ADARB2: variants seen among roughly 807,000 people sequenced by gnomAD.
ADARB2 encodes the protein inactive double-stranded RNA-specific editase B2.
In ADARB2, 25 loss-of-function variants were observed where a neutral mutation model predicts 62.2. The observed-to-expected ratio is 0.40, with a 90% confidence interval of 0.29 to 0.56. The LOEUF is 0.56. ADARB2 is among the 20% of genes least tolerant of loss of function. ADARB2 has a pLI of 0.43. For synonymous variants in ADARB2, 572 were observed against 500.8 expected, an observed-to-expected ratio of 1.14 and a Z score of -1.90; for missense variants, 1,071 against 1,077.4, an observed-to-expected ratio of 0.99 and a Z score of 0.08.
At chr10:1,701,814 C>T (rs554737887) in intron 1 of ADARB2, among the ~76,000 whole-genome samples, 71 of 144,256 alleles carry the variant, frequency 4.9e-4, no homozygotes, top group Non-Finnish European at 7.9e-4. Flanking sequence ...CGCCAATACA[C>T]GCAATCCCAC....
chr10:1,536,992 C>G (rs1036966968), intron 1 of ADARB2, among the ~76,000 whole-genome samples: 4 of 152,160 alleles, frequency 2.6e-5, no homozygotes, highest in African/African-American at 9.7e-5. Flanking sequence ...AGCTTCTGCA[C>G]AGCAAAAGAA....
rs182830936 is a variant in ADARB2, at chr10:1,382,166, T to C, written c.101-3006A>G. On this transcript the variant is annotated intron_variant, in intron 1 of 9. Transcript: ENST00000381312. ...ATTAAAATAAATATGGAAAAAACAA[T>C]GGCAAAACAAAATCAAATGTAACTG... Among the ~76,000 whole-genome samples, 635 of 152,202 alleles carry C rather than the reference T, an allele frequency of 4.2e-3. 3 individuals carry two copies. The highest frequency in any genetic ancestry group is 0.01 in the Middle Eastern group (3 of 294).
intron 5 of ADARB2, among the ~76,000 whole-genome samples, chr10:1,241,398 G>C (rs1030562565): frequency 6.6e-6 from 1 of 152,204 alleles, no homozygotes; most frequent in Admixed American, 6.5e-5. Context: ...AGCCCCCCAA[G>C]GTCCCATTAC....
chr10:1,216,771 C>A, intron 7 of ADARB2, 180 bp downstream of exon 7: 1 of 835,770 alleles, frequency 1.2e-6, no homozygotes, highest in South Asian at 1.8e-5. Flanking sequence ...GGTGCCTTGG[C>A]CTCAGGGTGT....
intron 1 of ADARB2, among the ~76,000 whole-genome samples, chr10:1,723,303 T>C (rs1835119901): frequency 6.6e-6 from 1 of 152,252 alleles, no homozygotes; most frequent in Non-Finnish European, 1.5e-5. Context: ...TTTGTGCTCC[T>C]GTCCTCTGGG....
intron 1 of ADARB2, among the ~76,000 whole-genome samples, chr10:1,519,154 G>A (rs758297391): frequency 3.3e-5 from 5 of 151,444 alleles, no homozygotes; most frequent in Non-Finnish European, 7.4e-5. Flanking sequence ...ATTGTCATAC[G>A]CATGCATTCC....
chr10:1,580,281 T>A (rs746494325), intron 1 of ADARB2, among the ~76,000 whole-genome samples: 3 of 152,128 alleles, frequency 2.0e-5, no homozygotes, highest in Non-Finnish European at 4.4e-5. Context: ...CCCTCCACCA[T>A]CAAGCAGGGT....
chr10:1,523,316 G>A (rs186977128), intron 1 of ADARB2, among the ~76,000 whole-genome samples: 3 of 152,280 alleles, frequency 2.0e-5, no homozygotes, highest in Admixed American at 1.3e-4. Flanking sequence ...CCAAGATTTT[G>A]TGTAAGTGCA....
rs1039782592 is a variant in ADARB2, at chr10:1,548,078, C to T, written c.101-168918G>A. ...GTCTGAGCTGCTGTGGTCTGTCACA[C>T]AGACACTGCCTCCCTAAGTGACTGA... On this transcript the variant is annotated intron_variant, in intron 1 of 9. Transcript: ENST00000381312. Among the ~76,000 whole-genome samples, 8 of 152,118 alleles carry T rather than the reference C, an allele frequency of 5.3e-5. No homozygotes were observed. The East Asian group carries it at 1.2e-3, about 22-fold the overall frequency.
At chr10:1,373,484 C>T (rs1832391935) in intron 2 of ADARB2, among the ~76,000 whole-genome samples, 1 of 152,168 alleles carries the variant, frequency 6.6e-6, no homozygotes, top group Admixed American at 6.5e-5. Flanking sequence ...AGTGTGTGCC[C>T]GAGCATGTGC....
chr10:1,557,316 A>G (rs1832720719), intron 1 of ADARB2, among the ~76,000 whole-genome samples: 1 of 152,032 alleles, frequency 6.6e-6, no homozygotes. Context: ...TGGACCTGGG[A>G]GTGACCTTGG....
chr10:1,478,818 G>A (rs1831433740), intron 1 of ADARB2, among the ~76,000 whole-genome samples: 1 of 148,398 alleles, frequency 6.7e-6, no homozygotes, highest in African/African-American at 2.5e-5. Flanking sequence ...AAGGACCTTC[G>A]GACGGGAGAG....
intron 3 of ADARB2, among the ~76,000 whole-genome samples, chr10:1,361,795 G>A (rs903250779): frequency 6.6e-6 from 1 of 152,182 alleles, no homozygotes; most frequent in Non-Finnish European, 1.5e-5. Context: ...TGTCCTAGGT[G>A]TTGTGATGTA....
At chr10:1,287,704 C>T (rs959947961) in intron 3 of ADARB2, among the ~76,000 whole-genome samples, 2 of 152,222 alleles carry the variant, frequency 1.3e-5, no homozygotes, top group Admixed American at 1.3e-4. Context: ...TGAGGAAATG[C>T]TCATCAGTGA....
At chr10:1,330,620 G>C (rs1831920248) in intron 3 of ADARB2, among the ~76,000 whole-genome samples, 1 of 152,194 alleles carries the variant, frequency 6.6e-6, no homozygotes, top group Admixed American at 6.5e-5. Context: ...TTGCACTGAA[G>C]GTTCCAGATG....
At chr10:1,493,633 G>A (rs1266935181) in intron 1 of ADARB2, among the ~76,000 whole-genome samples, 2 of 150,416 alleles carry the variant, frequency 1.3e-5, no homozygotes, top group African/African-American at 4.9e-5. Flanking sequence ...GTGCTGAGAG[G>A]ACCATACTAT....
At chr10:1,244,188 C>T (rs910056701) in intron 4 of ADARB2, among the ~76,000 whole-genome samples, 1 of 152,264 alleles carries the variant, frequency 6.6e-6, no homozygotes, top group Non-Finnish European at 1.5e-5. Context: ...GGGTGGGAGC[C>T]ACCATCTCAC....
chr10:1,633,604 CTAT>C (rs1564353201), intron 1 of ADARB2, among the ~76,000 whole-genome samples: 174 of 149,208 alleles, frequency 1.2e-3, no homozygotes, highest in African/African-American at 3.8e-3. Flanking sequence ...ATCTATCTAT[CTAT>C]CTATCCCTCT....
intron 1 of ADARB2, among the ~76,000 whole-genome samples, chr10:1,657,103 C>T (rs1457217854): frequency 2.0e-5 from 3 of 150,104 alleles, no homozygotes; most frequent in Admixed American, 6.6e-5. Context: ...TTTTTTTTTT[C>T]CACAACGTAC....
Sources: allele counts gnomAD v4.1 joint callset (sites outside exome capture counted in the v4.1 genomes callset), GRCh38; gene constraint gnomAD v4.1.1; transcripts MANE v1.5; gene names NCBI Gene and HGNC (gene_info 2026-07-23, HGNC 2026-07-21).